Variants in CHSY3 observed in about 807,000 individuals in gnomAD.
CHSY3 encodes N-acetylgalactosaminyl-proteoglycan 3-beta-glucuronosyltransferase 3.
A neutral mutation model predicts 67.2 loss-of-function variants in CHSY3; 35 were observed. The observed-to-expected ratio is 0.52, with a 90% CI of 0.40 to 0.69. The LOEUF (loss-of-function observed/expected upper bound fraction) is 0.69. CHSY3 is among the 30% of genes least tolerant of loss of function. The pLI is 0.00. For synonymous variants in CHSY3, 474 were observed against 434.7 expected (o/e 1.09, Z -1.12); for missense variants, 1,069 against 1,138.5 (o/e 0.94, Z 0.88).
At chr5:129,978,670 C>T (rs1762881801) in intron 2 of CHSY3, among the ~76,000 whole-genome samples, 1 of 152,002 alleles carries the variant, frequency 6.6e-6, no homozygotes, top group South Asian at 2.1e-4. Context: ...TGGAATGTGT[C>T]ACTGACAAAT....
chr5:130,120,833 G>A (rs558243690), intron 2 of CHSY3, among the ~76,000 whole-genome samples: 16 of 152,270 alleles, frequency 1.1e-4, no homozygotes, highest in African/African-American at 3.9e-4. Flanking sequence ...CGTAAAAGCT[G>A]GTGGTTGCAC....
chr5:129,929,651 TA>T (rs553311632), intron 2 of CHSY3, among the ~76,000 whole-genome samples: 10 of 151,304 alleles, frequency 6.6e-5, no homozygotes, highest in Admixed American at 2.0e-4. Flanking sequence ...ATAGCAAAAA[TA>T]AAAAAAAACC....
intron 2 of CHSY3, among the ~76,000 whole-genome samples, chr5:130,098,919 T>A (rs561476954): frequency 6.6e-6 from 1 of 152,336 alleles, no homozygotes; most frequent in Admixed American, 6.5e-5. Context: ...TTTTTAACTG[T>A]GTTAGAATTT....
At chr5:130,159,622 G>A (rs1272494655) in intron 2 of CHSY3, among the ~76,000 whole-genome samples, 1 of 152,120 alleles carries the variant, frequency 6.6e-6, no homozygotes, top group African/African-American at 2.4e-5. Flanking sequence ...TGAAGTAAAA[G>A]TTTGAATGCA....
chr5:129,914,502 A>G (rs1760675132), intron 2 of CHSY3, among the ~76,000 whole-genome samples: 1 of 152,218 alleles, frequency 6.6e-6, no homozygotes, highest in African/African-American at 2.4e-5. Context: ...AAAGTATAAG[A>G]CAGGGATTTT....
At chr5:129,991,158 G>A (rs1487553193) in intron 2 of CHSY3, among the ~76,000 whole-genome samples, 1 of 152,142 alleles carries the variant, frequency 6.6e-6, no homozygotes, top group Admixed American at 6.6e-5. Flanking sequence ...TTAAGTTGAA[G>A]AATAGCATAA....
At chr5:129,990,739 A>G (rs144258967) in intron 2 of CHSY3, among the ~76,000 whole-genome samples, 34 of 152,240 alleles carry the variant, frequency 2.2e-4, no homozygotes, top group Admixed American at 1.3e-3. Context: ...TCATTTGGCA[A>G]TAATTTGTTG....
intron 2 of CHSY3, among the ~76,000 whole-genome samples, chr5:130,031,326 G>C (rs2149660121): frequency 6.6e-6 from 1 of 152,074 alleles, no homozygotes; most frequent in South Asian, 2.1e-4. Context: ...TTTATTTGCT[G>C]TTATCTCATA....
chr5:129,999,564 T>G (rs1763658932), intron 2 of CHSY3, among the ~76,000 whole-genome samples: 1 of 152,098 alleles, frequency 6.6e-6, no homozygotes, highest in African/African-American at 2.4e-5. Flanking sequence ...GGGTGCTGAA[T>G]TTTATCTTCC....
chr5:129,948,637 C>T (rs529584660), intron 2 of CHSY3, among the ~76,000 whole-genome samples: 19 of 152,292 alleles, frequency 1.2e-4, no homozygotes, highest in Middle Eastern at 3.4e-3. Flanking sequence ...AATTGTGCTG[C>T]TATAAACATG....
intron 2 of CHSY3, among the ~76,000 whole-genome samples, chr5:130,096,752 TG>T (rs1420500368): frequency 6.6e-6 from 1 of 152,198 alleles, no homozygotes; most frequent in African/African-American, 2.4e-5. Flanking sequence ...TGAAAGCAGT[TG>T]TACCAATTTT....
intron 2 of CHSY3, chr5:130,052,314 C>T (rs1765388697): frequency 6.6e-6 from 1 of 152,180 alleles, no homozygotes; most frequent in Non-Finnish European, 1.5e-5. Flanking sequence ...GGGAGTTCCC[C>T]CCACAGTGGG....
At chr5:130,028,442 A>G (rs1286442169) in intron 2 of CHSY3, among the ~76,000 whole-genome samples, 1 of 152,170 alleles carries the variant, frequency 6.6e-6, no homozygotes, top group African/African-American at 2.4e-5. Context: ...GTGCTTGGAA[A>G]ACTGGCTAGC....
chr5:130,073,694 A>G (rs1475861149), intron 2 of CHSY3, among the ~76,000 whole-genome samples: 1 of 151,984 alleles, frequency 6.6e-6, no homozygotes. Context: ...CCAAAAATAA[A>G]TTTTCAAAAA....
At position 130,116,557 on chromosome 5, in the gene CHSY3, G is replaced by C. The variant is rs1319118174; in HGVS notation, c.1087-67672G>C. Among the ~76,000 whole-genome samples, 3 of 151,670 alleles carry C rather than the reference G, an allele frequency of 2.0e-5. No individual in the cohort carries two copies. In the East Asian group the frequency reaches 5.8e-4, roughly 29 times the overall value. Reference sequence around the variant, plus strand: ...GCACTCACTTTTCTTTATTCCTGATGTAATAGTCTCTGTAGTTGGCTGTGA... The same window carrying C: ...GCACTCACTTTTCTTTATTCCTGATCTAATAGTCTCTGTAGTTGGCTGTGA... On this transcript the variant is annotated intron_variant, in intron 2 of 2. Transcript: ENST00000305031.
chr5:129,955,845 C>T (rs1308016497), intron 2 of CHSY3, among the ~76,000 whole-genome samples: 1 of 152,160 alleles, frequency 6.6e-6, no homozygotes, highest in Non-Finnish European at 1.5e-5. Flanking sequence ...CCAGCTCCAT[C>T]CATGTTCCTG....
At position 129,904,793 on chromosome 5, in the gene CHSY3, G is replaced by T; in HGVS notation, c.-37G>T. 1 of 1,318,728 alleles carries T rather than the reference G, an allele frequency of 7.6e-7. No homozygotes were observed. Among genetic ancestry groups the T allele is most frequent in the Non-Finnish European group, 9.7e-7 (1 of 1,034,540 alleles). The allele number at this position is 1,318,728 out of a possible 1,614,324, so 81.7% of individuals were successfully genotyped here. On this transcript the variant is annotated 5_prime_UTR_variant, in exon 1 of 3. Transcript: ENST00000305031. ...CCGGGGAAACCGCGTGCCGCGCCGC[G>T]ACAGCCCAGCGAGCGTCCGCGCCCG...
chr5:130,010,122 C>T (rs1017741376), intron 2 of CHSY3, among the ~76,000 whole-genome samples: 4 of 152,130 alleles, frequency 2.6e-5, no homozygotes, highest in African/African-American at 9.7e-5. Flanking sequence ...AAACTTGACA[C>T]TTGACCAAAT....
At chr5:130,007,127 A>G (rs1428740960) in intron 2 of CHSY3, among the ~76,000 whole-genome samples, 2 of 152,168 alleles carry the variant, frequency 1.3e-5, no homozygotes, top group African/African-American at 4.8e-5. Context: ...ATATTATACC[A>G]TGTTGTTATG....
Sources: allele counts gnomAD v4.1 joint callset (sites outside exome capture counted in the v4.1 genomes callset), GRCh38; gene constraint gnomAD v4.1.1; transcripts MANE v1.5; gene names NCBI Gene and HGNC (gene_info 2026-07-23, HGNC 2026-07-21).